Variants in GPR158 observed in about 807,000 individuals in gnomAD.
GPR158 encodes the protein metabotropic glycine receptor.
Under a neutral mutation model 78.2 loss-of-function variants are expected in GPR158, and 30 were observed. That is an observed-to-expected ratio of 0.38 (90% CI 0.29 to 0.52). The LOEUF (loss-of-function observed/expected upper bound fraction) is 0.52. Among genes scored for constraint, GPR158 ranks in the 20% least tolerant of loss-of-function variants. The probability of loss-of-function intolerance (pLI) is 0.83; values close to 1 mark genes in which losing one functional copy is unlikely to be tolerated. For synonymous variants in GPR158, 581 were observed against 591.1 expected (o/e 0.98, Z 0.25); for missense variants, 1,463 against 1,523.5 (o/e 0.96, Z 0.66).
chr10:25,184,729 T>C (rs1234592792), intron 1 of GPR158, among the ~76,000 whole-genome samples: 1 of 152,242 alleles, frequency 6.6e-6, no homozygotes, highest in Non-Finnish European at 1.5e-5. Flanking sequence ...GGAATAGATA[T>C]GTCTCTCCTT....
chr10:25,501,675 G>A (rs1378363048), intron 5 of GPR158, among the ~76,000 whole-genome samples: 3 of 152,172 alleles, frequency 2.0e-5, no homozygotes, highest in Non-Finnish European at 1.5e-5. Flanking sequence ...TCAGAGAGAC[G>A]TGTGTATATT....
At chr10:25,474,889 G>A (rs1196866316) in intron 5 of GPR158, among the ~76,000 whole-genome samples, 1 of 152,042 alleles carries the variant, frequency 6.6e-6, no homozygotes, top group Non-Finnish European at 1.5e-5. Context: ...TATTTATTTA[G>A]CATCTGCAGT....
At chr10:25,467,902 G>C (rs1171946676) in intron 5 of GPR158, among the ~76,000 whole-genome samples, 1 of 152,042 alleles carries the variant, frequency 6.6e-6, no homozygotes, top group Non-Finnish European at 1.5e-5. Context: ...TCTGCCTCAA[G>C]TCCCCACCCA....
intron 6 of GPR158, among the ~76,000 whole-genome samples, chr10:25,562,188 T>C (rs1588913304): frequency 6.6e-6 from 1 of 152,260 alleles, no homozygotes; most frequent in South Asian, 2.1e-4. Context: ...CTAATGAGTC[T>C]TTTTTCTTGC....
intron 2 of GPR158, among the ~76,000 whole-genome samples, chr10:25,330,776 T>G (rs1307777054): frequency 6.6e-6 from 1 of 152,192 alleles, no homozygotes; most frequent in Non-Finnish European, 1.5e-5. Context: ...AAAAACACCA[T>G]TCTTTTAACT....
chr10:25,370,153 G>A (rs865867534), intron 2 of GPR158, among the ~76,000 whole-genome samples: 3 of 119,594 alleles, frequency 2.5e-5, no homozygotes, highest in South Asian at 2.7e-4. Context: ...AGGGTTTTTT[G>A]TGTCTCTATT....
At chr10:25,398,181 C>T (rs1182094611) in intron 3 of GPR158, among the ~76,000 whole-genome samples, 1 of 152,120 alleles carries the variant, frequency 6.6e-6, no homozygotes, top group African/African-American at 2.4e-5. Context: ...AACAGAGAAC[C>T]CAGTTACACT....
At position 25,176,704 on chromosome 10, in the gene GPR158, G is replaced by A. The variant is rs1852540842; in HGVS notation, c.902+382G>A. On this transcript the variant is annotated intron_variant, in intron 1 of 10. Coordinates refer to ENST00000376351, the MANE Select transcript of GPR158 (RefSeq NM_020752.3). The surrounding 1 kb of genome is among the most constrained non-coding windows in gnomAD (Gnocchi z 6.3). ...CGACAACTTGGCGAGCGCCGGGTGTGTCCGCGGAGTGGCAAGCCTCAGATG... is the reference window on the plus strand; with the variant it reads ...CGACAACTTGGCGAGCGCCGGGTGTATCCGCGGAGTGGCAAGCCTCAGATG... 6.6e-6 allele frequency among the ~76,000 whole-genome samples: 1 copy of A among 152,212 alleles called. No individual in the cohort carries two copies. The highest frequency in any genetic ancestry group is 2.1e-4 in the South Asian group (1 of 4,830).
rs544339400 is a variant in GPR158, at chr10:25,272,850, G to A, written c.1008+51693G>A. 1.0e-3 allele frequency among the ~76,000 whole-genome samples: 155 copies of A among 152,286 alleles called. No homozygotes were observed. The Middle Eastern group carries it at 0.017, about 17-fold the overall frequency. The stretch of plus-strand genomic sequence containing the variant: ...CAGCAAGAAAGGAAGGTTATCCAGG[G>A]ATGTACTAGACTTCTAAAATTTTAT... On this transcript the variant is annotated intron_variant, in intron 2 of 10. Coordinates refer to ENST00000376351, the MANE Select transcript of GPR158 (RefSeq NM_020752.3).
At chr10:25,287,643 T>C (rs571532890) in intron 2 of GPR158, among the ~76,000 whole-genome samples, 2 of 152,242 alleles carry the variant, frequency 1.3e-5, no homozygotes, top group South Asian at 4.1e-4. Flanking sequence ...TTAGCTGAAT[T>C]GTTACTGGCA....
intron 2 of GPR158, among the ~76,000 whole-genome samples, chr10:25,370,826 G>T (rs1833978165): frequency 6.6e-6 from 1 of 151,422 alleles, no homozygotes; most frequent in Non-Finnish European, 1.5e-5. Context: ...GGTCACTCAG[G>T]ACTTGCTTTA....
chr10:25,576,987 A>AAAG (rs10665400), intron 7 of GPR158, among the ~76,000 whole-genome samples: 2 of 144,510 alleles, frequency 1.4e-5, no homozygotes, highest in Non-Finnish European at 3.1e-5. Flanking sequence ...AAAAAAAAAA[A>AAAG]GTCAGGGCAC....
rs531395913 is a variant in GPR158 at position 25,567,119 on chromosome 10, G to A, written c.1515-5530G>A. ...AATAGGACAGAAGACTGGATGGCTT[G>A]AGGATATATATTTTCATTCCTTTTT... On this transcript the variant is annotated intron_variant, in intron 6 of 10. Transcript: ENST00000376351. 9.9e-5 allele frequency among the ~76,000 whole-genome samples: 15 copies of A among 152,158 alleles called. No homozygotes were observed. In the South Asian group the frequency reaches 1.4e-3, roughly 15 times the overall value.
At chr10:25,330,013 T>TC (rs1491149095) in intron 2 of GPR158, among the ~76,000 whole-genome samples, 4 of 40,472 alleles carry the variant, frequency 9.9e-5, no homozygotes, top group Non-Finnish European at 3.6e-4. Flanking sequence ...TTGAGATAAT[T>TC]CTTTTTTTTT....
chr10:25,254,599 A>G (rs1588761017), intron 2 of GPR158, among the ~76,000 whole-genome samples: 2 of 152,296 alleles, frequency 1.3e-5, no homozygotes, highest in South Asian at 2.1e-4. Context: ...AATAAATTCT[A>G]TTTCTAATAA....
intron 6 of GPR158, among the ~76,000 whole-genome samples, chr10:25,572,305 C>T (rs1837019356): frequency 6.6e-6 from 1 of 152,070 alleles, no homozygotes; most frequent in African/African-American, 2.4e-5. Context: ...AAAATATGAG[C>T]AATACTGTTT....
chr10:25,354,680 T>G (rs1050664960), intron 2 of GPR158, among the ~76,000 whole-genome samples: 3 of 152,116 alleles, frequency 2.0e-5, no homozygotes, highest in African/African-American at 7.2e-5. Context: ...TTTTTTTCTT[T>G]TTGCACATTA....
chr10:25,395,359 C>A (rs1834351487), intron 2 of GPR158, among the ~76,000 whole-genome samples: 1 of 152,056 alleles, frequency 6.6e-6, no homozygotes, highest in Admixed American at 6.6e-5. Flanking sequence ...TTTTTATCTT[C>A]TAAATTTGCA....
intron 5 of GPR158, among the ~76,000 whole-genome samples, chr10:25,524,120 A>T (rs978240217): frequency 3.9e-4 from 59 of 152,242 alleles, no homozygotes; most frequent in Admixed American, 2.5e-3. Flanking sequence ...GAAGTGCAAG[A>T]CTATACAATG....
Sources: gnomAD v4.1 joint callset for allele counts (sites outside exome capture counted in the v4.1 genomes callset) on GRCh38, gnomAD v4.1.1 for gene constraint, Gnocchi (gnomAD v3.1) non-coding constraint, MANE v1.5 for transcripts, NCBI Gene and HGNC (gene_info 2026-07-23, HGNC 2026-07-21) for gene names.